THOC1: variants seen among roughly 807,000 people sequenced by gnomAD.
The protein encoded by THOC1 is THO complex 1.
THOC1 carries 29 observed loss-of-function variants against 97.3 expected under a neutral mutation model. That is an observed-to-expected ratio of 0.30 (90% CI 0.22 to 0.41). The LOEUF (loss-of-function observed/expected upper bound fraction) is 0.41, where lower values mean the gene tolerates loss of function less well. Among genes scored for constraint, THOC1 ranks in the 10% least tolerant of loss-of-function variants. The probability of loss-of-function intolerance (pLI) is 1.00; values close to 1 mark genes in which losing one functional copy is unlikely to be tolerated. For synonymous variants in THOC1, 255 were observed against 257.0 expected, an observed-to-expected ratio of 0.99 and a Z score of 0.07; for missense variants, 529 against 761.9, an observed-to-expected ratio of 0.69 and a Z score of 3.60.
chr18:233,912 C>A (rs1911581704), intron 11 of THOC1, among the ~76,000 whole-genome samples: 1 of 152,106 alleles, frequency 6.6e-6, no homozygotes, highest in South Asian at 2.1e-4. Context: ...TTGGGTATAA[C>A]TCAAATTAAA....
Position 268,011 on chromosome 18 carries a change from C to A in THOC1, c.9G>T (p.Pro3=), listed in dbSNP as rs546966467. The A allele has an allele frequency of 1.2e-6, 2 of 1,605,824 alleles. No homozygotes were observed. The highest frequency in any genetic ancestry group is 3.4e-5 in the Admixed American group (2 of 59,590). MS[P]TPPLFSLPEA... ...CGGGCAAACTGAAGAGCGGCGGCGTCGGAGACATCTTCTCGGCTGCGCGTG... is the reference window on the plus strand; with the variant it reads ...CGGGCAAACTGAAGAGCGGCGGCGTAGGAGACATCTTCTCGGCTGCGCGTG... The change falls in exon 1 of 21, where the codon CCG becomes CCT. Residue 3 remains proline (P), a synonymous_variant. Transcript: ENST00000261600.
chr18:219,636 T>TA (rs1284971835), intron 17 of THOC1, among the ~76,000 whole-genome samples: 2 of 152,170 alleles, frequency 1.3e-5, no homozygotes, highest in African/African-American at 4.8e-5. Context: ...ATAAAGGGGA[T>TA]AGTCTAATAC....
chr18:260,437 G>A (rs1912568608), intron 4 of THOC1, 133 bp from the exon 5 acceptor site: 1 of 586,874 alleles, frequency 1.7e-6, no homozygotes, highest in Middle Eastern at 4.9e-4. Flanking sequence ...AGGACAAGAA[G>A]TGGAAGCAAC....
intron 9 of THOC1, 117 bp from the exon 10 acceptor site, chr18:248,074 A>G (rs1198239249): frequency 3.0e-6 from 2 of 656,146 alleles, no homozygotes; most frequent in Non-Finnish European, 5.0e-6. Flanking sequence ...AGTTATCAGA[A>G]AAGTACACAT....
intron 11 of THOC1, among the ~76,000 whole-genome samples, chr18:236,466 C>T (rs1175407107): frequency 7.4e-6 from 1 of 134,692 alleles, no homozygotes; most frequent in Admixed American, 7.6e-5. Context: ...CGCCATTCTC[C>T]TGCCTCAGCC....
chr18:242,008 G>A lies in THOC1; in HGVS notation c.918+4316C>T, dbSNP rs1341984694. ...GCTAAAAAGGGAACTATACTGTTGG[G>A]CACTAGTATTCAGAATCACACTCCA... On this transcript the variant is annotated intron_variant, in intron 11 of 20. Coordinates refer to ENST00000261600, the MANE Select transcript of THOC1 (RefSeq NM_005131.3). This position sits in a 1 kb window ranked among gnomAD's most constrained non-coding sequence, Gnocchi z 4.5. Among the ~76,000 whole-genome samples, 3 of 152,148 alleles carry A rather than the reference G, an allele frequency of 2.0e-5. No individual in the cohort carries two copies. The highest frequency in any genetic ancestry group is 4.4e-5 in the Non-Finnish European group (3 of 68,022).
intron 1 of THOC1, 43 bp downstream of exon 1, chr18:267,923 C>A (rs146509107): frequency 5.1e-6 from 8 of 1,572,634 alleles, no homozygotes; most frequent in Non-Finnish European, 6.9e-6. Flanking sequence ...GAGGACAAAG[C>A]ATAGCGCCGG....
chr18:229,320 T>C (rs1383629830), intron 11 of THOC1, among the ~76,000 whole-genome samples: 1 of 152,168 alleles, frequency 6.6e-6, no homozygotes, highest in African/African-American at 2.4e-5. Flanking sequence ...TAATTGACTA[T>C]AGGCACTGTT....
intron 2 of THOC1, 39 bp from the exon 3 acceptor site, chr18:265,402 T>C: frequency 1.3e-6 from 2 of 1,590,410 alleles, no homozygotes; most frequent in Non-Finnish European, 1.7e-6. Context: ...TTCAAACAGC[T>C]CAGGGTATGT....
chr18:249,072 G>A (rs1235060120), intron 9 of THOC1, among the ~76,000 whole-genome samples: 1 of 152,092 alleles, frequency 6.6e-6, no homozygotes, highest in Non-Finnish European at 1.5e-5. Context: ...TTTTAAAACA[G>A]CTAATATCTG....
intron 17 of THOC1, among the ~76,000 whole-genome samples, chr18:219,947 TTTTAGAAATAAAA>T (rs1911020824): frequency 6.6e-6 from 1 of 152,224 alleles, no homozygotes; most frequent in Admixed American, 6.5e-5. Flanking sequence ...TTGAATTTGT[TTTTAGAAATAAAA>T]TTTTGATACA....
At chr18:265,240 T>C in intron 3 of THOC1, 63 bp downstream of exon 3, 1 of 1,389,126 alleles carries the variant, frequency 7.2e-7, no homozygotes, top group Non-Finnish European at 9.7e-7. Flanking sequence ...AAAAAAGCAA[T>C]TTTTAAATAA....
intron 11 of THOC1, among the ~76,000 whole-genome samples, chr18:239,841 AAC>A (rs1327246029): frequency 6.6e-6 from 1 of 152,212 alleles, no homozygotes; most frequent in African/African-American, 2.4e-5. Flanking sequence ...GAGCCCAATT[AAC>A]ACAGAGAAAA....
chr18:265,286 T>C lies in THOC1; in HGVS notation c.189+17A>G, dbSNP rs1598309190. On this transcript the variant is annotated intron_variant, in intron 3 of 20. Transcript: ENST00000261600. ...TAATTTGTCAGTAAAATTTTAACAA[T>C]GGAAAAACATACTTACAATTTCTTC... 5 of 1,566,484 alleles carry C rather than the reference T, an allele frequency of 3.2e-6. No individual in the cohort carries two copies. The highest frequency in any genetic ancestry group is 2.2e-5 in the East Asian group (1 of 44,522).
intron 10 of THOC1, among the ~76,000 whole-genome samples, chr18:246,916 C>CAAA (rs36101469): frequency 4.1e-5 from 4 of 98,216 alleles, no homozygotes; most frequent in South Asian, 3.4e-4. Flanking sequence ...GGCTCCGTCT[C>CAAA]AAAAAAAAAA....
At chr18:246,130 C>T in intron 11 of THOC1, 194 bp downstream of exon 11, 1 of 459,956 alleles carries the variant, frequency 2.2e-6, no homozygotes, top group Non-Finnish European at 3.8e-6. Context: ...GAACTACTTT[C>T]ACCTTTGAAA....
Position 214,602 on chromosome 18 carries a change from T to C in THOC1, c.*24A>G, listed in dbSNP as rs2143123025. The C allele has an allele frequency of 3.3e-5, 52 of 1,575,916 alleles. No homozygotes were observed. Among genetic ancestry groups the C allele is most frequent in the Non-Finnish European group, 4.5e-5 (52 of 1,160,404 alleles). On this transcript the variant is annotated 3_prime_UTR_variant, in exon 21 of 21. Coordinates refer to ENST00000261600, the MANE Select transcript of THOC1 (RefSeq NM_005131.3). ...TTGGTAACAAAATCTATCACAGTTT[T>C]AATAAAAAGAAAAAAAAAAGAAGCT...
intron 17 of THOC1, among the ~76,000 whole-genome samples, chr18:221,597 T>G (rs1911078798): frequency 6.7e-6 from 1 of 149,504 alleles, no homozygotes. Context: ...TATAAACATA[T>G]AGATGGATCT....
In THOC1 at chr18:214,560, C is replaced by A; in HGVS notation, c.*66G>T. On this transcript the variant is annotated 3_prime_UTR_variant, in exon 21 of 21. Coordinates refer to ENST00000261600, the MANE Select transcript of THOC1 (RefSeq NM_005131.3). ...TTATTGTTTACCAAAACCAGTGGAC[C>A]TCTTATCAAATGCTGCTTGGTAACA... The A allele has an allele frequency of 7.6e-7, 1 of 1,316,004 alleles. No homozygotes were observed. Among genetic ancestry groups the A allele is most frequent in the Non-Finnish European group, 1.1e-6 (1 of 945,924 alleles). 81.5% of individuals were successfully genotyped at this position (1,316,004 alleles called of 1,614,324 possible). A position where few individuals can be genotyped will look rare whatever the true frequency, so the allele number is the denominator to read the frequency against.
Sources: allele counts gnomAD v4.1 joint callset (sites outside exome capture counted in the v4.1 genomes callset), GRCh38; gene constraint gnomAD v4.1.1; non-coding constraint Gnocchi (gnomAD v3.1); transcripts MANE v1.5; gene names NCBI Gene and HGNC (gene_info 2026-07-23, HGNC 2026-07-21).